The following PRR16 variants were observed in gnomAD, a reference collection of about 807,000 sequenced individuals.
PRR16 encodes the protein proline rich 16.
In PRR16, 6 loss-of-function variants were observed where a neutral mutation model predicts 18.2. The observed-to-expected ratio is 0.33, with a 90% CI of 0.18 to 0.65. PRR16 has a LOEUF of 0.65. Among genes scored for constraint, PRR16 ranks in the 30% least tolerant of loss-of-function variants. The pLI is 0.74. For missense variants in PRR16, 412 were observed against 376.6 expected, an observed-to-expected ratio of 1.09 and a Z score of -0.78; for synonymous variants, 151 against 147.8, an observed-to-expected ratio of 1.02 and a Z score of -0.16.
intron 1 of PRR16, among the ~76,000 whole-genome samples, chr5:120,550,231 A>G (rs1451976979): frequency 1.3e-5 from 2 of 152,080 alleles, no homozygotes; most frequent in Non-Finnish European, 2.9e-5. Flanking sequence ...AGTTCGAGAC[A>G]TCCCAACATT....
intron 1 of PRR16, among the ~76,000 whole-genome samples, chr5:120,506,503 G>T (rs545559085): frequency 7.9e-5 from 12 of 152,136 alleles, no homozygotes; most frequent in African/African-American, 2.2e-4. Context: ...ATTAACGGTG[G>T]CTTAAAGTTA....
At chr5:120,511,710 C>G (rs1269150902) in intron 1 of PRR16, among the ~76,000 whole-genome samples, 1 of 152,156 alleles carries the variant, frequency 6.6e-6, no homozygotes, top group African/African-American at 2.4e-5. Context: ...TTAGACTTTT[C>G]AGATTTTAGT....
chr5:120,680,574 T>C (rs902484025), intron 1 of PRR16, among the ~76,000 whole-genome samples: 1 of 152,190 alleles, frequency 6.6e-6, no homozygotes, highest in Non-Finnish European at 1.5e-5. Flanking sequence ...GTGTTCCTAG[T>C]AGAATTGCCA....
At position 120,464,548 on chromosome 5, in the gene PRR16, C is replaced by T; in HGVS notation, c.62C>T (p.Ala21Val). Residue 21 changes from alanine to valine, a missense_variant, in exon 1 of 2, where the codon GCC (alanine) becomes GTC (valine). Ala to Val is a moderately conservative substitution (Grantham distance 64). Transcript: ENST00000407149. ...SSCPAEGPPA[A>V]SKTKVKEQIK... is the part of the protein sequence containing the mutation. ...TGTCCAGCCGAGGGACCGCCGGCAGCCTCCAAAACCAAGGTGAAGGAACAG... is the reference window on the plus strand; with the variant it reads ...TGTCCAGCCGAGGGACCGCCGGCAGTCTCCAAAACCAAGGTGAAGGAACAG... 1 of 1,591,472 alleles carries T rather than the reference C, an allele frequency of 6.3e-7. No homozygotes were observed. Among genetic ancestry groups the T allele is most frequent in the Non-Finnish European group, 8.5e-7 (1 of 1,176,966 alleles).
At chr5:120,627,857 CT>C (rs1213200822) in intron 1 of PRR16, among the ~76,000 whole-genome samples, 2 of 152,104 alleles carry the variant, frequency 1.3e-5, no homozygotes. Context: ...TAAAGAAAGA[CT>C]TGTCAAAAGC....
At chr5:120,697,635 C>T in the PRR16 span, among the ~76,000 whole-genome samples, 3 of 151,808 alleles carry the variant, frequency 2.0e-5, no homozygotes, top group Non-Finnish European at 4.4e-5. Flanking sequence ...GGGCTGAGTC[C>T]GAAAAGAGAG....
intron 1 of PRR16, among the ~76,000 whole-genome samples, chr5:120,515,298 C>G (rs1055430900): frequency 2.0e-5 from 3 of 152,120 alleles, no homozygotes; most frequent in Non-Finnish European, 4.4e-5. Flanking sequence ...AACCCAATCA[C>G]CTCTTAAAGG....
chr5:120,786,540 TTTAAA>T, the PRR16 span, among the ~76,000 whole-genome samples: 3 of 144,260 alleles, frequency 2.1e-5, no homozygotes, highest in African/African-American at 5.3e-5. Context: ...TATATATTAT[TTTAAA>T]TTAAGTATCA....
intron 1 of PRR16, among the ~76,000 whole-genome samples, chr5:120,486,686 A>G (rs1043189808): frequency 2.6e-5 from 4 of 152,014 alleles, no homozygotes; most frequent in African/African-American, 9.7e-5. Context: ...TTTTGTTGCC[A>G]TTGCTTTTGG....
At chr5:120,528,160 G>T (rs2112661848) in intron 1 of PRR16, among the ~76,000 whole-genome samples, 1 of 152,258 alleles carries the variant, frequency 6.6e-6, no homozygotes, top group South Asian at 2.1e-4. Context: ...TGATGCTGTG[G>T]CACATTCTAA....
chr5:120,579,027 T>C (rs1753173714), intron 1 of PRR16, among the ~76,000 whole-genome samples: 1 of 152,200 alleles, frequency 6.6e-6, no homozygotes, highest in African/African-American at 2.4e-5. Context: ...TTTCATATAT[T>C]TGTTGGCTGC....
chr5:120,647,880 G>C (rs891416655), intron 1 of PRR16, among the ~76,000 whole-genome samples: 1 of 151,954 alleles, frequency 6.6e-6, no homozygotes, highest in African/African-American at 2.4e-5. Flanking sequence ...GGAGGGAAGA[G>C]GTATTGAGAT....
the PRR16 span, among the ~76,000 whole-genome samples, chr5:120,775,207 ATAT>A: frequency 5.2e-3 from 790 of 152,316 alleles, 4 homozygotes; most frequent in Non-Finnish European, 7.4e-3. Flanking sequence ...GATATATTAC[ATAT>A]TATTTGTGAT....
chr5:120,491,342 T>C (rs1012318995), intron 1 of PRR16, among the ~76,000 whole-genome samples: 1 of 152,162 alleles, frequency 6.6e-6, no homozygotes, highest in Non-Finnish European at 1.5e-5. Flanking sequence ...ATAAATACTA[T>C]TTATAATATT....
chr5:120,739,371 AGG>A, the PRR16 span, among the ~76,000 whole-genome samples: 1 of 152,182 alleles, frequency 6.6e-6, no homozygotes, highest in Admixed American at 6.5e-5. Context: ...TCAAAAGACA[AGG>A]CTGAAACTGC....
chr5:120,536,272 A>T (rs1751712804), intron 1 of PRR16, among the ~76,000 whole-genome samples: 1 of 152,172 alleles, frequency 6.6e-6, no homozygotes, highest in Non-Finnish European at 1.5e-5. Flanking sequence ...GATTCCCATA[A>T]TGCTGGGACT....
chr5:120,758,994 G>A, the PRR16 span, among the ~76,000 whole-genome samples: 307 of 24,984 alleles, frequency 0.012, 2 homozygotes, highest in Non-Finnish European at 0.019. Context: ...TTTTTTTTTT[G>A]AGACGGAGTC....
intron 1 of PRR16, among the ~76,000 whole-genome samples, chr5:120,489,228 ATCTG>A (rs1367362623): frequency 6.6e-6 from 1 of 152,132 alleles, no homozygotes; most frequent in African/African-American, 2.4e-5. Context: ...TGTCTTGTTG[ATCTG>A]TCTAATGTTG....
intron 1 of PRR16, among the ~76,000 whole-genome samples, chr5:120,607,822 A>G (rs1245731209): frequency 6.6e-6 from 1 of 152,174 alleles, no homozygotes; most frequent in Non-Finnish European, 1.5e-5. Flanking sequence ...TTTTGATAAA[A>G]CAAGATGAAT....
Sources: allele counts gnomAD v4.1 joint callset (sites outside exome capture counted in the v4.1 genomes callset), GRCh38; gene constraint gnomAD v4.1.1; transcripts MANE v1.5; gene names NCBI Gene and HGNC (gene_info 2026-07-23, HGNC 2026-07-21).